CACNA1E: variants seen among roughly 807,000 people sequenced by gnomAD.
CACNA1E encodes the protein voltage-dependent R-type calcium channel subunit alpha-1E.
CACNA1E carries 40 observed loss-of-function variants against 259.2 expected under a neutral mutation model. The observed-to-expected ratio is 0.15, with a 90% CI of 0.12 to 0.20. The LOEUF is 0.20. Ranked by LOEUF, CACNA1E falls within the 10% of genes least tolerant of loss-of-function variation. The pLI is 1.00. For missense variants in CACNA1E, 1,874 were observed against 3,040.1 expected, an observed-to-expected ratio of 0.62 and a Z score of 9.02; for synonymous variants, 1,104 against 1,138.5, an observed-to-expected ratio of 0.97 and a Z score of 0.61.
chr1:181,804,610 A>G lies in CACNA1E; in HGVS notation c.*5776A>G, dbSNP rs1263516883. On this transcript the variant is annotated 3_prime_UTR_variant, in exon 48 of 48. Coordinates refer to ENST00000367573, the MANE Select transcript of CACNA1E (RefSeq NM_001205293.3). ...TTATATTCCAGCTTTCTGTATTCAA[A>G]CTTGTGCCTTCAGCAAGCATCTCTT... The G allele has an allele frequency of 6.6e-6, 1 of 152,124 alleles. No homozygotes were observed. The highest frequency in any genetic ancestry group is 1.5e-5 in the Non-Finnish European group (1 of 68,010). 9.4% of individuals were successfully genotyped at this position (152,124 alleles called of 1,614,324 possible). A position where few individuals can be genotyped will look rare whatever the true frequency, so the allele number is the denominator to read the frequency against.
At chr1:181,717,053 A>G in intron 10 of CACNA1E, 40 bp from the exon 11 acceptor site, 2 of 1,561,774 alleles carry the variant, frequency 1.3e-6, no homozygotes, top group Non-Finnish European at 1.8e-6. Flanking sequence ...GGACCACAGG[A>G]TATTTTGCAG....
At chr1:181,537,161 A>G (rs1415498390) in intron 3 of CACNA1E, among the ~76,000 whole-genome samples, 2 of 135,774 alleles carry the variant, frequency 1.5e-5, no homozygotes. Context: ...GTGCAGTGGC[A>G]CGATCTCGGC....
At chr1:181,462,482 A>G (rs1661880855) in intron 2 of CACNA1E, among the ~76,000 whole-genome samples, 1 of 152,240 alleles carries the variant, frequency 6.6e-6, no homozygotes, top group Non-Finnish European at 1.5e-5. Context: ...TATTTCGAAC[A>G]TTTGTATAGA....
At chr1:181,381,920 A>G (rs1238672715) in intron 1 of CACNA1E, among the ~76,000 whole-genome samples, 2 of 152,220 alleles carry the variant, frequency 1.3e-5, no homozygotes, top group African/African-American at 4.8e-5. Flanking sequence ...GAGCTAGTTG[A>G]GAATGTGGAA....
rs1402532655 is a variant in CACNA1E at position 181,793,767 on chromosome 1, A to G, written c.6001A>G (p.Met2001Val). ...TGCGGGATCTGGGAGGGCATCTTCT[A>G]TGCCACGTCTGACTGTGGATCCCCA... The part of the protein sequence containing the change: ...EHAGSGRASS[M>V]PRLTVDPQVV... Residue 2001 changes from methionine (M) to valine (V), a missense_variant, in exon 45 of 48, where the codon ATG becomes GTG. Physicochemically the swap from Met to Val is conservative, Grantham distance 21 (BLOSUM62 1). Coordinates refer to ENST00000367573, the MANE Select transcript of CACNA1E (RefSeq NM_001205293.3). 1.2e-6 allele frequency: 2 copies of G among 1,611,596 alleles called. No individual in the cohort carries two copies. Among genetic ancestry groups the G allele is most frequent in the East Asian group, 2.2e-5 (1 of 44,882 alleles).
At chr1:181,337,331 A>AT (rs58242351) in intron 1 of CACNA1E, among the ~76,000 whole-genome samples, 42,056 of 150,436 alleles carry the variant, frequency 0.28, 5,951 homozygotes, top group African/African-American at 0.3. Flanking sequence ...AATTTTTTGT[A>AT]TTTTTTTTTA....
intron 7 of CACNA1E, among the ~76,000 whole-genome samples, chr1:181,695,885 G>A (rs919175202): frequency 6.6e-6 from 1 of 152,174 alleles, no homozygotes. Flanking sequence ...AATCCAGGAG[G>A]CGGAGGTTGC....
intron 6 of CACNA1E, among the ~76,000 whole-genome samples, chr1:181,611,913 G>A (rs1373964249): frequency 6.6e-6 from 1 of 152,092 alleles, no homozygotes; most frequent in Non-Finnish European, 1.5e-5. Context: ...AATTCTAGTT[G>A]AGAATAAACT....
At chr1:181,478,677 G>A (rs1467316257), upstream of CACNA1E, among the ~76,000 whole-genome samples, 7 of 152,232 alleles carry the variant, frequency 4.6e-5, no homozygotes, top group Admixed American at 4.6e-4. Flanking sequence ...CTGGTGGGAG[G>A]GGCACAGGCC....
chr1:181,396,851 A>C (rs1400561744), intron 1 of CACNA1E, among the ~76,000 whole-genome samples: 1 of 152,232 alleles, frequency 6.6e-6, no homozygotes, highest in African/African-American at 2.4e-5. Flanking sequence ...ACAGGAGAGA[A>C]ATCTTAAAAT....
At chr1:181,717,953 A>G (rs887852880) in intron 11 of CACNA1E, 102 bp from the exon 12 acceptor site, 1 of 647,116 alleles carries the variant, frequency 1.5e-6, no homozygotes, top group Admixed American at 2.4e-5. Context: ...GAATGTCCTG[A>G]CGTGTGTTGT....
At chr1:181,609,623 A>G (rs1232343684) in intron 6 of CACNA1E, among the ~76,000 whole-genome samples, 2 of 152,122 alleles carry the variant, frequency 1.3e-5, no homozygotes, top group African/African-American at 4.8e-5. Context: ...TTGCTTGGCT[A>G]TTTGTGTGCA....
intron 44 of CACNA1E, among the ~76,000 whole-genome samples, chr1:181,792,883 C>G (rs1031146040): frequency 6.6e-6 from 1 of 152,240 alleles, no homozygotes; most frequent in Non-Finnish European, 1.5e-5. Flanking sequence ...TCCAGTCCAA[C>G]CTGATAACAC....
intron 12 of CACNA1E, 122 bp downstream of exon 12, chr1:181,718,289 A>C (rs1471153603): frequency 3.3e-6 from 2 of 597,120 alleles, no homozygotes; most frequent in Non-Finnish European, 6.0e-6. Flanking sequence ...AGCGGAATAG[A>C]TAAGATTAGC....
intron 1 of CACNA1E, among the ~76,000 whole-genome samples, chr1:181,399,880 T>C (rs932469651): frequency 1.3e-5 from 2 of 152,250 alleles, no homozygotes; most frequent in African/African-American, 4.8e-5. Context: ...ATTTCATGGA[T>C]ATCATTGCCT....
chr1:181,486,519 C>G (rs1663832118), intron 1 of CACNA1E, among the ~76,000 whole-genome samples: 2 of 152,174 alleles, frequency 1.3e-5, no homozygotes, highest in Non-Finnish European at 2.9e-5. Flanking sequence ...AAGTATCTTG[C>G]TTTGTCTTAT....
At chr1:181,659,027 A>G (rs1212392241) in intron 7 of CACNA1E, among the ~76,000 whole-genome samples, 1 of 151,992 alleles carries the variant, frequency 6.6e-6, no homozygotes, top group Non-Finnish European at 1.5e-5. Flanking sequence ...GTTGGGATTT[A>G]ATTCAGAAGC....
At chr1:181,733,406 G>A (rs371244866) in intron 20 of CACNA1E, 31 bp from the exon 21 acceptor site, 8 of 1,481,182 alleles carry the variant, frequency 5.4e-6, no homozygotes, top group Non-Finnish European at 4.5e-6. Context: ...CAGCGTCTGA[G>A]CACCAGCTCT....
chr1:181,489,849 G>A (rs746066289), intron 1 of CACNA1E, among the ~76,000 whole-genome samples: 3 of 152,198 alleles, frequency 2.0e-5, no homozygotes, highest in African/African-American at 4.8e-5. Flanking sequence ...CCACCACCAC[G>A]ATGTGGCTTC....
Sources: allele counts gnomAD v4.1 joint callset (sites outside exome capture counted in the v4.1 genomes callset), GRCh38; gene constraint gnomAD v4.1.1; transcripts MANE v1.5; gene names NCBI Gene and HGNC (gene_info 2026-07-23, HGNC 2026-07-21).